The following MAP3K19 variants were observed in gnomAD, a reference collection of about 807,000 sequenced individuals.
MAP3K19 encodes the protein mitogen-activated protein kinase kinase kinase 19, also known as SPS1/STE20-related protein kinase YSK4.
In MAP3K19, 91 loss-of-function variants were observed where a neutral mutation model predicts 114.4. The observed-to-expected ratio is 0.80, with a 90% CI of 0.67 to 0.95. The LOEUF (loss-of-function observed/expected upper bound fraction) is 0.95. Among genes scored for constraint, MAP3K19 ranks in the 40% least tolerant of loss-of-function variants. MAP3K19 has a pLI of 0.00. For missense variants in MAP3K19, 1,471 were observed against 1,573.2 expected (o/e 0.94, Z 1.10); for synonymous variants, 518 against 530.5 (o/e 0.98, Z 0.32).
chr2:135,027,839 G>C (rs1688294672), intron 3 of MAP3K19, among the ~76,000 whole-genome samples: 2 of 152,180 alleles, frequency 1.3e-5, no homozygotes, highest in Non-Finnish European at 2.9e-5. Context: ...CTGATGAGGT[G>C]AAAGAACACA....
intron 5 of MAP3K19, among the ~76,000 whole-genome samples, chr2:135,017,499 A>G (rs1687654523): frequency 1.3e-5 from 2 of 152,122 alleles, no homozygotes; most frequent in Non-Finnish European, 2.9e-5. Flanking sequence ...AGCTCAAATA[A>G]TCCTCCACCA....
At chr2:135,002,010 C>G (rs1686476558) in intron 6 of MAP3K19, among the ~76,000 whole-genome samples, 1 of 152,228 alleles carries the variant, frequency 6.6e-6, no homozygotes, top group Non-Finnish European at 1.5e-5. Context: ...CAGATGTTCT[C>G]TTTGTTCTGC....
At chr2:134,968,093 C>A (rs113529902) in intron 12 of MAP3K19, among the ~76,000 whole-genome samples, 3 of 151,696 alleles carry the variant, frequency 2.0e-5, no homozygotes, top group African/African-American at 2.4e-5. Flanking sequence ...AGCATCTGTT[C>A]AACAAAGCAC....
chr2:134,997,561 C>G (rs761953178), intron 8 of MAP3K19, among the ~76,000 whole-genome samples: 1 of 152,136 alleles, frequency 6.6e-6, no homozygotes, highest in Non-Finnish European at 1.5e-5. Flanking sequence ...TGGCTCACAC[C>G]TGTAATCCCA....
At chr2:134,968,903 C>T (rs922183572) in intron 12 of MAP3K19, among the ~76,000 whole-genome samples, 20 of 143,388 alleles carry the variant, frequency 1.4e-4, no homozygotes, top group African/African-American at 3.7e-4. Flanking sequence ...ACATCCCAGA[C>T]GATGGGCGGC....
chr2:135,002,970 T>A (rs893998960), intron 6 of MAP3K19, among the ~76,000 whole-genome samples: 2 of 152,150 alleles, frequency 1.3e-5, no homozygotes, highest in African/African-American at 4.8e-5. Flanking sequence ...TGTGGCTTAT[T>A]TGGAGATGGG....
At chr2:135,016,832 A>C (rs888479539) in intron 5 of MAP3K19, among the ~76,000 whole-genome samples, 3 of 152,104 alleles carry the variant, frequency 2.0e-5, no homozygotes. Context: ...TTTCTTTGAA[A>C]ACTTTTAGGA....
chr2:135,029,986 C>T (rs1290408192), intron 3 of MAP3K19, among the ~76,000 whole-genome samples: 2 of 152,144 alleles, frequency 1.3e-5, no homozygotes, highest in Non-Finnish European at 1.5e-5. Context: ...GTACAAATGG[C>T]AATGATGCCA....
chr2:135,000,211 A>G (rs953302969), intron 6 of MAP3K19, among the ~76,000 whole-genome samples, 196 bp from the exon 7 acceptor site: 2 of 152,250 alleles, frequency 1.3e-5, no homozygotes, highest in African/African-American at 4.8e-5. Context: ...GCTTGCTTAA[A>G]GAGCAAAAAA....
intron 6 of MAP3K19, among the ~76,000 whole-genome samples, chr2:135,003,049 T>A (rs1173669136): frequency 2.6e-5 from 4 of 152,142 alleles, no homozygotes; most frequent in Admixed American, 6.5e-5. Flanking sequence ...TGGATTTGTG[T>A]CCTTCTAAGA....
intron 12 of MAP3K19, among the ~76,000 whole-genome samples, chr2:134,977,163 G>A (rs1446881276): frequency 6.7e-6 from 1 of 148,512 alleles, no homozygotes; most frequent in African/African-American, 2.5e-5. Flanking sequence ...ACCATTTCTA[G>A]CTACCACCGC....
At chr2:134,970,183 T>G (rs4953942) in intron 12 of MAP3K19, among the ~76,000 whole-genome samples, 30,044 of 152,128 alleles carry the variant, frequency 0.2, 3,431 homozygotes, top group Middle Eastern at 0.55. Flanking sequence ...TACATTGGTA[T>G]TTTTGCATTG....
intron 5 of MAP3K19, among the ~76,000 whole-genome samples, chr2:135,006,132 CA>C (rs1382178427): frequency 6.6e-6 from 1 of 152,200 alleles, no homozygotes; most frequent in African/African-American, 2.4e-5. Flanking sequence ...ACTTGATTTA[CA>C]AAAAGTACTC....
At chr2:135,045,821 T>C (rs1688730590) in intron 1 of MAP3K19, among the ~76,000 whole-genome samples, 1 of 152,224 alleles carries the variant, frequency 6.6e-6, no homozygotes, top group Non-Finnish European at 1.5e-5. Flanking sequence ...TTGTCTCACA[T>C]ACTCAATAGA....
At chr2:135,020,486 A>AT (rs1218367133) in intron 5 of MAP3K19, among the ~76,000 whole-genome samples, 2 of 151,946 alleles carry the variant, frequency 1.3e-5, no homozygotes, top group South Asian at 2.1e-4. Flanking sequence ...TGACCAGCTA[A>AT]TTTTTTTTAT....
At chr2:135,029,138 C>T (rs1236936609) in intron 3 of MAP3K19, among the ~76,000 whole-genome samples, 2 of 152,030 alleles carry the variant, frequency 1.3e-5, no homozygotes, top group African/African-American at 4.8e-5. Flanking sequence ...TTTGGGAGGC[C>T]GAGGCGGGCA....
chr2:135,029,359 G>A (rs962235168), intron 3 of MAP3K19, among the ~76,000 whole-genome samples: 11 of 137,228 alleles, frequency 8.0e-5, no homozygotes, highest in African/African-American at 2.9e-4. Context: ...CTGGGCGACA[G>A]AGCAAGACTG....
intron 12 of MAP3K19, among the ~76,000 whole-genome samples, chr2:134,975,232 T>C (rs989405861): frequency 2.0e-5 from 3 of 152,152 alleles, no homozygotes; most frequent in Non-Finnish European, 4.4e-5. Context: ...GGTGGGTGGA[T>C]AGGTCCTTAG....
chr2:135,032,369 AAAAAG>A (rs1553434449), intron 2 of MAP3K19, among the ~76,000 whole-genome samples: 2 of 136,294 alleles, frequency 1.5e-5, no homozygotes, highest in Admixed American at 7.4e-5. Flanking sequence ...AAAAAAAAAA[AAAAAG>A]AAAAGAAAAG....
Sources: gnomAD v4.1 joint callset for allele counts (sites outside exome capture counted in the v4.1 genomes callset) on GRCh38, gnomAD v4.1.1 for gene constraint, MANE v1.5 for transcripts, NCBI Gene and HGNC (gene_info 2026-07-23, HGNC 2026-07-21) for gene names.